CFAP44: variants seen among roughly 807,000 people sequenced by gnomAD.
The protein encoded by CFAP44 is cilia- and flagella-associated protein 44.
Under a neutral mutation model 216.2 loss-of-function variants are expected in CFAP44, and 134 were observed. The ratio of observed to expected loss-of-function variants is 0.62; its 90% CI spans 0.54 to 0.72. The LOEUF is 0.72. Among genes scored for constraint, CFAP44 ranks in the 30% least tolerant of loss-of-function variants. The pLI, the probability that CFAP44 is intolerant of heterozygous loss-of-function variation, is 0.00. For missense variants in CFAP44, 2,035 were observed against 2,182.1 expected (o/e 0.93, Z 1.34); for synonymous variants, 700 against 727.6 (o/e 0.96, Z 0.61).
chr3:113,376,225 G>A (rs1446572170), intron 17 of CFAP44, among the ~76,000 whole-genome samples: 1 of 152,194 alleles, frequency 6.6e-6, no homozygotes, highest in African/African-American at 2.4e-5. Context: ...GTGGATGATT[G>A]TCTCATTTAC....
intron 15 of CFAP44, among the ~76,000 whole-genome samples, chr3:113,393,836 CCT>C (rs1386657724): frequency 6.6e-6 from 1 of 151,972 alleles, no homozygotes; most frequent in African/African-American, 2.4e-5. Flanking sequence ...CCTCTTGCTT[CCT>C]CTCTCACCAC....
At chr3:113,418,147 G>C (rs1277733510) in intron 5 of CFAP44, among the ~76,000 whole-genome samples, 1 of 151,926 alleles carries the variant, frequency 6.6e-6, no homozygotes, top group East Asian at 1.9e-4. Context: ...GAGTGCAGTG[G>C]CATGATCTCT....
intron 6 of CFAP44, among the ~76,000 whole-genome samples, chr3:113,416,057 C>T (rs933184238): frequency 1.3e-5 from 2 of 152,110 alleles, no homozygotes; most frequent in Non-Finnish European, 2.9e-5. Flanking sequence ...TGGATGTATA[C>T]ATATTCAGAA....
Position 113,327,819 on chromosome 3 carries a change from T to C in CFAP44, c.4117A>G (p.Ile1373Val), listed in dbSNP as rs1402728567. The change falls in exon 27 of 35, where the codon ATC (isoleucine) becomes GTC (valine). Residue 1373 changes from isoleucine to valine, a missense_variant and splice_region_variant. Around this residue, in one of 3 missense-constraint regions of CFAP44, gnomAD observed 1,883 missense variants for 2,023.7 expected, o/e 0.93. Transcript: ENST00000393845. The stretch of plus-strand genomic sequence containing the variant: ...TCGAAAGTGACAACCAGTTCTTTGA[T>C]CTGAGATGGAAAAAATATTTGCGGA... Reference protein sequence around the residue: ...VYMQQYLVNRIKELVVTFDAE... With the variant: ...VYMQQYLVNRVKELVVTFDAE... The C allele has an allele frequency of 7.8e-6, 12 of 1,536,176 alleles. No homozygotes were observed. Among genetic ancestry groups the C allele is most frequent in the Non-Finnish European group, 1.0e-5 (12 of 1,146,494 alleles).
At chr3:113,298,432 T>C (rs1949902606) in intron 32 of CFAP44, among the ~76,000 whole-genome samples, 1 of 152,204 alleles carries the variant, frequency 6.6e-6, no homozygotes, top group African/African-American at 2.4e-5. Context: ...CTAACTGCAG[T>C]GTTATTCACC....
At chr3:113,293,684 G>A (rs1431312056) in intron 34 of CFAP44, among the ~76,000 whole-genome samples, 1 of 152,186 alleles carries the variant, frequency 6.6e-6, no homozygotes, top group Non-Finnish European at 1.5e-5. Flanking sequence ...TCACTCAAAA[G>A]TTCTTCAGTG....
At chr3:113,367,012 G>A (rs1328056140) in intron 18 of CFAP44, among the ~76,000 whole-genome samples, 1 of 152,340 alleles carries the variant, frequency 6.6e-6, no homozygotes, top group African/African-American at 2.4e-5. Context: ...GGGTGGAGGG[G>A]TGTCTGCCAT....
chr3:113,370,004 C>T (rs889542659), intron 18 of CFAP44, among the ~76,000 whole-genome samples: 18 of 152,262 alleles, frequency 1.2e-4, no homozygotes, highest in African/African-American at 4.3e-4. Flanking sequence ...TTTCTGGACA[C>T]ATACACCCTC....
chr3:113,420,494 G>A (rs1934785447), intron 4 of CFAP44, among the ~76,000 whole-genome samples: 1 of 152,008 alleles, frequency 6.6e-6, no homozygotes, highest in African/African-American at 2.4e-5. Context: ...AATTGTTTTT[G>A]CAAAAATAAA....
chr3:113,406,786 G>A, intron 8 of CFAP44, 141 bp downstream of exon 8: 1 of 569,302 alleles, frequency 1.8e-6, no homozygotes. Flanking sequence ...ATTGATAATT[G>A]AAGAAGTAAA....
rs1490818338 is a variant in CFAP44 at position 113,293,455 on chromosome 3, T to A, written c.5373+1232A>T. Among the ~76,000 whole-genome samples, 18 of 145,038 alleles carry A rather than the reference T, an allele frequency of 1.2e-4. 1 individual carries two copies. The highest frequency in any genetic ancestry group is 1.2e-3 in the Admixed American group (18 of 14,834). On this transcript the variant is annotated intron_variant, in intron 34 of 34. Transcript: ENST00000393845. ...ACTGTTTTGGGGATTAAATGAAATA[T>A]CCTATGTGAAGAGGCCATACATGTA...
chr3:113,427,189 G>A lies in CFAP44; in HGVS notation c.251C>T (p.Thr84Ile), dbSNP rs1388010359. The A allele has an allele frequency of 1.9e-6, 3 of 1,612,070 alleles. No homozygotes were observed. Among genetic ancestry groups the A allele is most frequent in the Non-Finnish European group, 2.5e-6 (3 of 1,179,440 alleles). ...GACAGAAAACTAATAATACCTACCT[G>A]TAGTGCTTTGCAAATCACCATACTG... ...SFQYGDLQST[T>I]VPQQTPAPAV... Residue 84 changes from threonine to isoleucine, a missense_variant and splice_region_variant, in exon 3 of 35, where the codon ACA becomes ATA. Coordinates refer to ENST00000393845, the MANE Select transcript of CFAP44 (RefSeq NM_001164496.2).
At chr3:113,296,059 C>G (rs1290034115) in intron 33 of CFAP44, among the ~76,000 whole-genome samples, 1 of 152,208 alleles carries the variant, frequency 6.6e-6, no homozygotes, top group Non-Finnish European at 1.5e-5. Flanking sequence ...CCACCATCCT[C>G]CCCGCTGCTG....
intron 2 of CFAP44, 129 bp from the exon 3 acceptor site, chr3:113,427,468 A>T (rs1324636516): frequency 1.5e-6 from 1 of 659,738 alleles, no homozygotes; most frequent in Non-Finnish European, 2.5e-6. Flanking sequence ...AAATTTCTAG[A>T]AGAATCATTT....
chr3:113,358,825 A>G lies in CFAP44; in HGVS notation c.2985T>C (p.Ala995=). The G allele has an allele frequency of 6.5e-7, 1 of 1,536,874 alleles. No homozygotes were observed. The highest frequency in any genetic ancestry group is 8.7e-7 in the Non-Finnish European group (1 of 1,146,622). ...CCTTTTCCACTTGTTGAATTTTGAA[A>G]GCTGTTTTTCTGTGCATCTCAGCAC... ...QIRAEMHRKT[A]FKIQQVEKEL... The change falls in exon 22 of 35, where the codon GCT becomes GCC. Residue 995 remains alanine (A), a synonymous_variant. Transcript: ENST00000393845.
In CFAP44 at chr3:113,378,780, C is replaced by A. The variant is rs1486895; in HGVS notation, c.2298+526G>T. Among the ~76,000 whole-genome samples, 576 of 152,188 alleles carry A rather than the reference C, an allele frequency of 3.8e-3. 21 individuals carry two copies. The highest frequency in any genetic ancestry group is 0.034 in the Admixed American group (512 of 15,278). ...CATTTTTCCCTTCTTCCTTATGAGC[C>A]AAGTTCTGATTTTGTTCAGGGTGGC... On this transcript the variant is annotated intron_variant, in intron 17 of 34. Transcript: ENST00000393845.
At position 113,288,097 on chromosome 3, in the gene CFAP44, T is replaced by C. The variant is rs1949792114; in HGVS notation, c.*3460A>G. 1 of 152,230 alleles carries C rather than the reference T, an allele frequency of 6.6e-6. No individual in the cohort carries two copies. Among genetic ancestry groups the C allele is most frequent in the African/African-American group, 2.4e-5 (1 of 41,456 alleles). The allele number at this position is 152,230 out of a possible 1,614,324, so 9.4% of individuals were successfully genotyped here. ...CTGGAGAGGGTGGGGGGAGCCTGTA[T>C]TTTCTAGATTTCTGTAAAATTGAGT... On this transcript the variant is annotated 3_prime_UTR_variant, in exon 35 of 35. Coordinates refer to ENST00000393845, the MANE Select transcript of CFAP44 (RefSeq NM_001164496.2).
chr3:113,424,684 G>T (rs28710051), intron 4 of CFAP44, among the ~76,000 whole-genome samples: 1 of 151,976 alleles, frequency 6.6e-6, no homozygotes, highest in Non-Finnish European at 1.5e-5. Context: ...CTAGTGAGCC[G>T]TCCAAAAGTG....
At chr3:113,420,671 G>A (rs1165223280) in intron 4 of CFAP44, among the ~76,000 whole-genome samples, 1 of 152,118 alleles carries the variant, frequency 6.6e-6, no homozygotes, top group Non-Finnish European at 1.5e-5. Context: ...ACTAACCACA[G>A]TAAAAATATT....
Sources: gnomAD v4.1 joint callset for allele counts (sites outside exome capture counted in the v4.1 genomes callset) on GRCh38, gnomAD v4.1.1 for gene constraint, gnomAD v4.1.1 regional missense constraint, MANE v1.5 for transcripts, NCBI Gene and HGNC (gene_info 2026-07-23, HGNC 2026-07-21) for gene names.